TAFA1: variants seen among roughly 807,000 people sequenced by gnomAD.
TAFA1 encodes chemokine-like protein TAFA-1.
TAFA1 carries 4 observed loss-of-function variants against 18.5 expected under a neutral mutation model. The ratio of observed to expected loss-of-function variants is 0.22; its 90% confidence interval spans 0.11 to 0.49. The LOEUF is 0.49. Ranked by LOEUF, TAFA1 falls within the 20% of genes least tolerant of loss-of-function variation. TAFA1 has a pLI of 0.98. For synonymous variants in TAFA1, 56 were observed against 55.2 expected (o/e 1.01, Z -0.06); for missense variants, 147 against 169.0 (o/e 0.87, Z 0.72).
chr3:68,436,207 T>A (rs1386355336), intron 3 of TAFA1, among the ~76,000 whole-genome samples: 2 of 152,146 alleles, frequency 1.3e-5, no homozygotes, highest in Non-Finnish European at 2.9e-5. Context: ...GATATTTCCA[T>A]CACAACCAGA....
Position 68,544,582 on chromosome 3 carries a change from A to G in TAFA1, c.*79A>G. ...AGAATCTCAAACATCTCACATATAT[A>G]CAAGCCAAATGGATTTCTTACTTGC... On this transcript the variant is annotated 3_prime_UTR_variant, in exon 5 of 5. Coordinates refer to ENST00000478136, the MANE Select transcript of TAFA1 (RefSeq NM_213609.4). 1 of 1,432,884 alleles carries G rather than the reference A, an allele frequency of 7.0e-7. No individual in the cohort carries two copies. Among genetic ancestry groups the G allele is most frequent in the South Asian group, 1.2e-5 (1 of 84,766 alleles). The allele number at this position is 1,432,884 out of a possible 1,614,324, so 88.8% of individuals were successfully genotyped here.
At chr3:68,467,042 C>T (rs554326493) in intron 3 of TAFA1, among the ~76,000 whole-genome samples, 17 of 152,174 alleles carry the variant, frequency 1.1e-4, no homozygotes, top group Middle Eastern at 3.4e-3. Flanking sequence ...AAGAATTCAG[C>T]GATATTTCTC....
chr3:68,137,977 C>T (rs916510282), intron 2 of TAFA1, among the ~76,000 whole-genome samples: 49 of 90,280 alleles, frequency 5.4e-4, no homozygotes, highest in African/African-American at 1.8e-3. Context: ...ATCTTCGCTA[C>T]TATTTAAAAA....
chr3:68,376,599 C>T (rs181965478), intron 2 of TAFA1, among the ~76,000 whole-genome samples: 4 of 152,250 alleles, frequency 2.6e-5, no homozygotes, highest in Admixed American at 2.0e-4. Context: ...TTCTTTTTTA[C>T]AGCTGCGTAG....
At chr3:68,344,349 G>A (rs2069132429) in intron 2 of TAFA1, among the ~76,000 whole-genome samples, 1 of 152,144 alleles carries the variant, frequency 6.6e-6, no homozygotes, top group South Asian at 2.1e-4. Context: ...GGTACCACAT[G>A]ACCTTACTAA....
chr3:68,480,860 T>C (rs1382039103), intron 3 of TAFA1, among the ~76,000 whole-genome samples: 1 of 152,122 alleles, frequency 6.6e-6, no homozygotes, highest in East Asian at 1.9e-4. Flanking sequence ...TGAGAGATAA[T>C]TGAATTATAG....
chr3:68,367,596 A>G (rs1217731472), intron 2 of TAFA1, among the ~76,000 whole-genome samples: 1 of 152,180 alleles, frequency 6.6e-6, no homozygotes, highest in Admixed American at 6.6e-5. Context: ...TGTTCCTAAT[A>G]TCTGACGAAA....
At chr3:68,533,488 G>T (rs1575957998) in intron 3 of TAFA1, among the ~76,000 whole-genome samples, 1 of 152,142 alleles carries the variant, frequency 6.6e-6, no homozygotes, top group Non-Finnish European at 1.5e-5. Flanking sequence ...TGGGCACACA[G>T]CCAAACCATA....
At chr3:68,090,647 A>G (rs886387146) in intron 2 of TAFA1, among the ~76,000 whole-genome samples, 3 of 152,134 alleles carry the variant, frequency 2.0e-5, no homozygotes, top group Admixed American at 6.5e-5. Context: ...CTTTGTGACT[A>G]TAACCTCAGA....
At chr3:68,084,234 T>A (rs1012633300) in intron 2 of TAFA1, among the ~76,000 whole-genome samples, 7 of 152,190 alleles carry the variant, frequency 4.6e-5, no homozygotes, top group Non-Finnish European at 8.8e-5. Context: ...AGTGGAGTTG[T>A]TATGTTATTT....
chr3:68,233,632 A>T (rs2066896196), intron 2 of TAFA1, among the ~76,000 whole-genome samples: 1 of 150,928 alleles, frequency 6.6e-6, no homozygotes, highest in South Asian at 2.1e-4. Context: ...AAATTTTAGG[A>T]TTTTTTTTTC....
At chr3:68,204,335 T>C (rs528475937) in intron 2 of TAFA1, among the ~76,000 whole-genome samples, 1 of 151,962 alleles carries the variant, frequency 6.6e-6, no homozygotes, top group South Asian at 2.1e-4. Flanking sequence ...TAGGAACTTT[T>C]CATCTGGTAG....
chr3:68,541,648 C>T (rs2073377175), intron 4 of TAFA1, among the ~76,000 whole-genome samples: 1 of 151,426 alleles, frequency 6.6e-6, no homozygotes, highest in African/African-American at 2.4e-5. Context: ...AATTCAAAGA[C>T]AGTTCACTCA....
intron 2 of TAFA1, among the ~76,000 whole-genome samples, chr3:68,394,608 A>G (rs1036003467): frequency 2.0e-5 from 3 of 152,154 alleles, no homozygotes; most frequent in Non-Finnish European, 2.9e-5. Flanking sequence ...AAACAGATAT[A>G]TAGACCAGTG....
intron 3 of TAFA1, among the ~76,000 whole-genome samples, chr3:68,488,519 A>C (rs115288002): frequency 6.7e-4 from 102 of 152,312 alleles, no homozygotes; most frequent in African/African-American, 2.3e-3. Context: ...TACAAAAAGC[A>C]CTGAGACTTG....
chr3:68,445,770 A>G (rs1488428948), intron 3 of TAFA1, among the ~76,000 whole-genome samples: 3 of 152,106 alleles, frequency 2.0e-5, no homozygotes, highest in Non-Finnish European at 4.4e-5. Flanking sequence ...TGCATTTCTA[A>G]ACAATTTCCA....
Position 68,496,334 on chromosome 3 carries a change from T to G in TAFA1, c.260-42422T>G, listed in dbSNP as rs1849228. 4.3e-4 allele frequency among the ~76,000 whole-genome samples: 66 copies of G among 152,118 alleles called. 1 individual carries two copies. The highest frequency in any genetic ancestry group is 1.4e-3 in the African/African-American group (57 of 41,506). ...GAGTGCTTCCTTGACCAATAAAATGTTAGAGAAGTCTGAACTTCCAAGACT... is the reference window on the plus strand; with the variant it reads ...GAGTGCTTCCTTGACCAATAAAATGGTAGAGAAGTCTGAACTTCCAAGACT... On this transcript the variant is annotated intron_variant, in intron 3 of 4. Coordinates refer to ENST00000478136, the MANE Select transcript of TAFA1 (RefSeq NM_213609.4).
chr3:68,165,149 C>G lies in TAFA1; in HGVS notation c.118+158405C>G, dbSNP rs878884823. Reference sequence around the variant, plus strand: ...TGATGTTTTGTGCATGGAGAACTATCGACTGCTGGAATTTTAGAATCTCAC... The same window carrying G: ...TGATGTTTTGTGCATGGAGAACTATGGACTGCTGGAATTTTAGAATCTCAC... On this transcript the variant is annotated intron_variant, in intron 2 of 4. Coordinates refer to ENST00000478136, the MANE Select transcript of TAFA1 (RefSeq NM_213609.4). Among the ~76,000 whole-genome samples, 3 of 152,164 alleles carry G rather than the reference C, an allele frequency of 2.0e-5. No individual in the cohort carries two copies. In the South Asian group the frequency reaches 6.2e-4, roughly 32 times the overall value.
intron 2 of TAFA1, among the ~76,000 whole-genome samples, chr3:68,313,020 G>C (rs933160511): frequency 6.6e-6 from 1 of 152,094 alleles, no homozygotes; most frequent in East Asian, 1.9e-4. Context: ...GGGAGACTCC[G>C]ATTTTTAAAG....
Sources: allele counts gnomAD v4.1 joint callset (sites outside exome capture counted in the v4.1 genomes callset), GRCh38; gene constraint gnomAD v4.1.1; transcripts MANE v1.5; gene names NCBI Gene and HGNC (gene_info 2026-07-23, HGNC 2026-07-21).